The following NBAS variants were observed in gnomAD, a reference collection of about 807,000 sequenced individuals.
NBAS encodes the protein NBAS subunit of NRZ tethering complex.
In NBAS, 219 loss-of-function variants were observed where a neutral mutation model predicts 302.5. That is an observed-to-expected ratio of 0.72 (90% confidence interval 0.65 to 0.81). NBAS has a LOEUF of 0.81. NBAS is among the 30% of genes least tolerant of loss of function. NBAS has a pLI of 0.00. For synonymous variants in NBAS, 1,118 were observed against 1,021.6 expected (o/e 1.09, Z -1.80); for missense variants, 2,932 against 2,841.6 (o/e 1.03, Z -0.72).
At chr2:15,447,219 C>G (rs1678795095) in intron 21 of NBAS, among the ~76,000 whole-genome samples, 1 of 152,190 alleles carries the variant, frequency 6.6e-6, no homozygotes, top group Admixed American at 6.6e-5. Context: ...CAATTAAAAG[C>G]TACACATTGC....
At chr2:14,961,807 C>T in the NBAS span, among the ~76,000 whole-genome samples, 1 of 152,090 alleles carries the variant, frequency 6.6e-6, no homozygotes, top group Non-Finnish European at 1.5e-5. Context: ...TTTTTTCAGT[C>T]TTGTGCTGTC....
the NBAS span, among the ~76,000 whole-genome samples, chr2:14,889,660 T>A: frequency 6.6e-6 from 1 of 152,220 alleles, no homozygotes; most frequent in African/African-American, 2.4e-5. Flanking sequence ...ATTTCCAAGC[T>A]TGTTAGAAAA....
chr2:15,361,178 A>G (rs1274039145), intron 32 of NBAS, among the ~76,000 whole-genome samples: 1 of 152,188 alleles, frequency 6.6e-6, no homozygotes, highest in East Asian at 1.9e-4. Context: ...CCAAAATTTC[A>G]TGTACCATTG....
At chr2:14,923,985 C>A in the NBAS span, among the ~76,000 whole-genome samples, 3 of 152,194 alleles carry the variant, frequency 2.0e-5, no homozygotes, top group Admixed American at 2.0e-4. Flanking sequence ...GTCAAGTCTA[C>A]ACTTCCCTCC....
intron 6 of NBAS, among the ~76,000 whole-genome samples, chr2:15,548,508 G>A (rs1207277861): frequency 2.6e-5 from 4 of 152,044 alleles, no homozygotes; most frequent in African/African-American, 9.7e-5. Context: ...CGGGTGTGAT[G>A]GCACGCACCT....
At chr2:15,028,896 C>A in the NBAS span, among the ~76,000 whole-genome samples, 18 of 152,144 alleles carry the variant, frequency 1.2e-4, no homozygotes, top group African/African-American at 3.9e-4. Flanking sequence ...TTTGTTAATT[C>A]TTTCTCTCTC....
At chr2:15,423,884 A>G (rs1011771735) in intron 23 of NBAS, among the ~76,000 whole-genome samples, 1 of 152,228 alleles carries the variant, frequency 6.6e-6, no homozygotes, top group African/African-American at 2.4e-5. Flanking sequence ...GAACTGAGAG[A>G]AATTAGGCAT....
At chr2:15,557,289 C>T (rs187349261) in intron 2 of NBAS, among the ~76,000 whole-genome samples, 182 of 152,220 alleles carry the variant, frequency 1.2e-3, no homozygotes, top group African/African-American at 4.3e-3. Context: ...AAAAACAATG[C>T]TTTCTATCAT....
intron 35 of NBAS, among the ~76,000 whole-genome samples, chr2:15,348,068 G>A (rs1410847874): frequency 6.6e-6 from 1 of 152,202 alleles, no homozygotes; most frequent in Non-Finnish European, 1.5e-5. Flanking sequence ...ATAATTTAAT[G>A]TGGTTATTAT....
chr2:15,286,997 A>G, intron 42 of NBAS, 76 bp downstream of exon 42: 1 of 1,226,856 alleles, frequency 8.2e-7, no homozygotes. Context: ...GTACTTTACA[A>G]CTTCTTCAAG....
intron 49 of NBAS, among the ~76,000 whole-genome samples, chr2:15,187,266 C>CT (rs538262519): frequency 1.3e-5 from 2 of 151,924 alleles, no homozygotes; most frequent in African/African-American, 2.4e-5. Flanking sequence ...TATTTAATGA[C>CT]TTTTTTTTCC....
chr2:15,151,595 C>T, the NBAS span, among the ~76,000 whole-genome samples: 1 of 152,148 alleles, frequency 6.6e-6, no homozygotes, highest in Non-Finnish European at 1.5e-5. Flanking sequence ...TAGTTAACAC[C>T]TGTGTGTGAT....
rs185774075 is a variant in NBAS at position 15,355,790 on chromosome 2, C to T, written c.3931+513G>A. Among the ~76,000 whole-genome samples the T allele has an allele frequency of 4.2e-3, 638 of 152,260 alleles. 1 individual carries two copies. Among genetic ancestry groups the T allele is most frequent in the Middle Eastern group, 0.01 (3 of 294 alleles). Reference sequence around the variant, plus strand: ...GTGAGTGAAAGCTCCCTGAAGACTTCCCGGAGGCAGATGCTGCCCTACTTC... The same window carrying T: ...GTGAGTGAAAGCTCCCTGAAGACTTTCCGGAGGCAGATGCTGCCCTACTTC... On this transcript the variant is annotated intron_variant, in intron 33 of 51. Coordinates refer to ENST00000281513, the MANE Select transcript of NBAS (RefSeq NM_015909.4).
intron 40 of NBAS, among the ~76,000 whole-genome samples, chr2:15,296,719 G>T (rs548327697): frequency 6.6e-6 from 1 of 152,006 alleles, no homozygotes; most frequent in African/African-American, 2.4e-5. Flanking sequence ...CATGCCTGTA[G>T]TCCTACCTAC....
chr2:15,312,685 T>A (rs1671334023), intron 38 of NBAS, among the ~76,000 whole-genome samples: 1 of 152,202 alleles, frequency 6.6e-6, no homozygotes. Context: ...ACACTGCCAC[T>A]CAAATGCTAC....
At chr2:15,499,406 A>G (rs1330269492) in intron 11 of NBAS, among the ~76,000 whole-genome samples, 1 of 152,244 alleles carries the variant, frequency 6.6e-6, no homozygotes, top group Non-Finnish European at 1.5e-5. Flanking sequence ...TGTTACATAC[A>G]TGGAATATTA....
chr2:14,923,271 A>G, the NBAS span, among the ~76,000 whole-genome samples: 228 of 152,334 alleles, frequency 1.5e-3, no homozygotes, highest in African/African-American at 4.7e-3. Context: ...GGCTGTTGAA[A>G]ATAGGTACAT....
the NBAS span, among the ~76,000 whole-genome samples, chr2:14,892,845 G>A: frequency 6.6e-6 from 1 of 151,964 alleles, no homozygotes. Context: ...TAGACTTGTA[G>A]CAAGTTTATT....
intron 40 of NBAS, among the ~76,000 whole-genome samples, chr2:15,299,227 T>TA (rs1224663311): frequency 6.6e-6 from 1 of 152,216 alleles, no homozygotes; most frequent in Non-Finnish European, 1.5e-5. Flanking sequence ...ATTCATAATT[T>TA]AAAAAGGAAA....
Sources: gnomAD v4.1 joint callset for allele counts (sites outside exome capture counted in the v4.1 genomes callset) on GRCh38, gnomAD v4.1.1 for gene constraint, MANE v1.5 for transcripts, NCBI Gene and HGNC (gene_info 2026-07-23, HGNC 2026-07-21) for gene names.